Variants in EYS observed in about 807,000 individuals in gnomAD.
EYS encodes EGF-like photoreceptor maintenance factor, also known as protein eyes shut homolog.
EYS carries 250 observed loss-of-function variants against 282.1 expected under a neutral mutation model. The ratio of observed to expected loss-of-function variants is 0.89; its 90% CI spans 0.80 to 0.98. The LOEUF (loss-of-function observed/expected upper bound fraction) is 0.98. EYS is among the 50% of genes least tolerant of loss of function. EYS has a pLI of 0.00. For missense variants in EYS, 4,016 were observed against 3,709.0 expected, an observed-to-expected ratio of 1.08 and a Z score of -2.15; for synonymous variants, 1,355 against 1,282.9, an observed-to-expected ratio of 1.06 and a Z score of -1.20.
At chr6:64,740,444 G>C (rs1772331637) in intron 22 of EYS, among the ~76,000 whole-genome samples, 1 of 152,116 alleles carries the variant, frequency 6.6e-6, no homozygotes, top group Non-Finnish European at 1.5e-5. Context: ...ATCTATAGAA[G>C]CAGAGCAAAA....
Position 64,577,808 on chromosome 6 carries a change from C to T in EYS, c.5644+12415G>A, listed in dbSNP as rs182310569. On this transcript the variant is annotated intron_variant, in intron 26 of 42. Transcript: ENST00000503581. ...TTTATAATAGAGCTGTTGTTAGAGA[C>T]AGTTTTATAGCTGATAAAAATTTCT... 3.3e-3 allele frequency among the ~76,000 whole-genome samples: 495 copies of T among 152,184 alleles called. 9 individuals are homozygous for T. Among genetic ancestry groups the T allele is most frequent in the Non-Finnish European group, 5.1e-4 (35 of 68,002 alleles).
chr6:64,487,782 T>C (rs996347100), intron 26 of EYS, among the ~76,000 whole-genome samples: 6 of 151,056 alleles, frequency 4.0e-5, no homozygotes, highest in Admixed American at 1.3e-4. Flanking sequence ...CATAATATTT[T>C]TTAATTTATA....
intron 30 of EYS, among the ~76,000 whole-genome samples, chr6:64,291,104 G>T (rs1432255022): frequency 6.6e-6 from 1 of 150,860 alleles, no homozygotes; most frequent in Non-Finnish European, 1.5e-5. Context: ...CTTTTATTCT[G>T]AAGGCCATAA....
rs141590886 is a variant in EYS at position 65,360,558 on chromosome 6, C to A, written c.1300-6941G>T. Among the ~76,000 whole-genome samples the A allele has an allele frequency of 3.4e-3, 510 of 152,124 alleles. 1 individual carries two copies. Among genetic ancestry groups the A allele is most frequent in the Non-Finnish European group, 5.6e-3 (381 of 67,986 alleles). ...AGTAGTTTGGGAAATTATATAAGAT[C>A]ATTTTCTGGTCTCCTATTATTACTT... On this transcript the variant is annotated intron_variant, in intron 8 of 42. Coordinates refer to ENST00000503581, the MANE Select transcript of EYS (RefSeq NM_001142800.2).
chr6:64,295,537 A>G lies in EYS; in HGVS notation c.6191+11433T>C, dbSNP rs1424445804. ...AAGAAGAAAGAAGAAAGAAGAAGAA[A>G]GAAGAAGAAAGAAGAAGAAAGAAGA... is the stretch of plus-strand genomic sequence containing the variant. On this transcript the variant is annotated intron_variant, in intron 30 of 42. Transcript: ENST00000503581. 5.4e-5 allele frequency among the ~76,000 whole-genome samples: 3 copies of G among 55,350 alleles called. 1 individual carries two copies. Among genetic ancestry groups the G allele is most frequent in the African/African-American group, 4.0e-4 (3 of 7,466 alleles). 36.3% of individuals were successfully genotyped at this position (55,350 alleles called of 152,430 possible).
intron 2 of EYS, among the ~76,000 whole-genome samples, chr6:65,578,960 T>G (rs1764775780): frequency 6.6e-6 from 1 of 152,266 alleles, no homozygotes; most frequent in African/African-American, 2.4e-5. Flanking sequence ...TAAAACTGTT[T>G]AGTATGTTTC....
chr6:65,332,633 T>C (rs1769837385), intron 11 of EYS, among the ~76,000 whole-genome samples: 1 of 151,408 alleles, frequency 6.6e-6, no homozygotes, highest in African/African-American at 2.4e-5. Flanking sequence ...GCTATTGTTG[T>C]AATATTGGCC....
rs1041084929 is a variant in EYS at position 65,457,496 on chromosome 6, C to T, written c.862+33098G>A. On this transcript the variant is annotated intron_variant, in intron 5 of 42. Transcript: ENST00000503581. Reference sequence around the variant, plus strand: ...TCTCTTTCAATGCAGCAGCAATCCTCGATTGGAATTGATGTTGGAATTGCA... The same window carrying T: ...TCTCTTTCAATGCAGCAGCAATCCTTGATTGGAATTGATGTTGGAATTGCA... Among the ~76,000 whole-genome samples, 13 of 152,120 alleles carry T rather than the reference C, an allele frequency of 8.5e-5. No individual in the cohort carries two copies. In the East Asian group the frequency reaches 2.3e-3, roughly 27 times the overall value.
At chr6:63,917,455 T>A (rs1764455036) in intron 35 of EYS, among the ~76,000 whole-genome samples, 1 of 152,230 alleles carries the variant, frequency 6.6e-6, no homozygotes, top group South Asian at 2.1e-4. Context: ...TTTCCTCTGT[T>A]CATGCTAAAA....
At chr6:65,643,447 C>G (rs1333880757) in intron 1 of EYS, among the ~76,000 whole-genome samples, 1 of 152,112 alleles carries the variant, frequency 6.6e-6, no homozygotes, top group Non-Finnish European at 1.5e-5. Context: ...CTTTCTCTAA[C>G]CAGTGTAGTT....
intron 2 of EYS, among the ~76,000 whole-genome samples, chr6:65,524,891 C>T (rs1431986629): frequency 6.6e-6 from 1 of 152,122 alleles, no homozygotes; most frequent in Non-Finnish European, 1.5e-5. Flanking sequence ...GCTGGCTGAT[C>T]ACCTTTGAGT....
At chr6:64,169,431 G>GTTTTTTTTTTTTGTTTTT (rs562487633) in intron 31 of EYS, among the ~76,000 whole-genome samples, 58 of 140,982 alleles carry the variant, frequency 4.1e-4, no homozygotes, top group African/African-American at 1.5e-3. Context: ...TTGAGGAGGA[G>GTTTTTTTTTTTTGTTTTT]TTTTTTTTTT....
At chr6:64,740,825 T>G (rs1772347292) in intron 22 of EYS, among the ~76,000 whole-genome samples, 2 of 151,898 alleles carry the variant, frequency 1.3e-5, no homozygotes, top group South Asian at 4.2e-4. Context: ...ACCATTCTCC[T>G]GCCTCAGCCT....
chr6:65,592,072 G>T (rs1582493650), intron 2 of EYS, among the ~76,000 whole-genome samples: 1 of 151,800 alleles, frequency 6.6e-6, no homozygotes, highest in Non-Finnish European at 1.5e-5. Context: ...TAGCATCATT[G>T]TATCAATTTG....
intron 26 of EYS, among the ~76,000 whole-genome samples, chr6:64,553,545 A>ACT (rs1491428074): frequency 2.2e-5 from 1 of 46,458 alleles, no homozygotes; most frequent in East Asian, 9.7e-4. Context: ...CTTTTGTTTG[A>ACT]CCCCCCCCCC....
At chr6:65,251,008 A>C (rs529840885) in intron 12 of EYS, among the ~76,000 whole-genome samples, 4 of 150,304 alleles carry the variant, frequency 2.7e-5, no homozygotes, top group African/African-American at 9.8e-5. Flanking sequence ...AAATATCCGG[A>C]AAATAGATAA....
At chr6:63,842,593 G>A (rs1332581040) in intron 36 of EYS, among the ~76,000 whole-genome samples, 1 of 151,992 alleles carries the variant, frequency 6.6e-6, no homozygotes, top group Non-Finnish European at 1.5e-5. Flanking sequence ...TTTTGCTGTG[G>A]AGAAGCTCTT....
chr6:64,413,594 A>G (rs1438794601), intron 28 of EYS, among the ~76,000 whole-genome samples: 1 of 152,050 alleles, frequency 6.6e-6, no homozygotes, highest in African/African-American at 2.4e-5. Context: ...CCCAAAAAAA[A>G]ACAGTATCAG....
At chr6:65,406,953 T>G (rs1766771455) in intron 5 of EYS, among the ~76,000 whole-genome samples, 1 of 152,118 alleles carries the variant, frequency 6.6e-6, no homozygotes, top group Non-Finnish European at 1.5e-5. Context: ...GGATTCTTTT[T>G]ATAGTTTCCT....
Sources: gnomAD v4.1 joint callset for allele counts (sites outside exome capture counted in the v4.1 genomes callset) on GRCh38, gnomAD v4.1.1 for gene constraint, MANE v1.5 for transcripts, NCBI Gene and HGNC (gene_info 2026-07-23, HGNC 2026-07-21) for gene names.